The following PTPRH variants were observed in gnomAD, a reference collection of about 807,000 sequenced individuals.
PTPRH encodes protein tyrosine phosphatase receptor type H.
A neutral mutation model predicts 130.2 loss-of-function variants in PTPRH; 113 were observed. That is an observed-to-expected ratio of 0.87 (90% CI 0.75 to 1.01). The LOEUF is 1.01. PTPRH is among the 50% of genes least tolerant of loss of function. The probability of loss-of-function intolerance (pLI) is 0.00; values close to 1 mark genes in which losing one functional copy is unlikely to be tolerated. For missense variants in PTPRH, 1,430 were observed against 1,425.0 expected (o/e 1.00, Z -0.06); for synonymous variants, 556 against 577.9 (o/e 0.96, Z 0.54).
intron 12 of PTPRH, among the ~76,000 whole-genome samples, chr19:55,191,164 G>C (rs571526602): frequency 6.6e-6 from 1 of 152,282 alleles, no homozygotes; most frequent in Admixed American, 6.5e-5. Context: ...GATATCTCCT[G>C]TACTAGAATA....
intron 2 of PTPRH, 74 bp downstream of exon 2, chr19:55,207,092 A>C: frequency 2.5e-6 from 4 of 1,593,858 alleles, no homozygotes; most frequent in Admixed American, 1.7e-5. Context: ...CCCCACGGGG[A>C]CCCCCCAGAG....
rs199931398 is a variant in PTPRH at position 55,202,079 on chromosome 19, C to T, written c.1130G>A (p.Arg377Gln). ...ACCTGTGGTGGCATTTCGAGTCTCCCGGGAGCTGTTGATTCCATTCTTCCC... is the reference window on the plus strand; with the variant it reads ...ACCTGTGGTGGCATTTCGAGTCTCCTGGGAGCTGTTGATTCCATTCTTCCC... ...WVGKNGINSS[R>Q]ETRNATTAPN... Residue 377 changes from arginine to glutamine, a missense_variant, in exon 6 of 20, where the codon CGG becomes CAG. Physicochemically the swap from Arg to Gln is conservative, Grantham distance 43. Coordinates refer to ENST00000376350, the MANE Select transcript of PTPRH (RefSeq NM_002842.5). 66 of 1,614,132 alleles carry T rather than the reference C, an allele frequency of 4.1e-5. No individual in the cohort carries two copies. The African/African-American group carries it at 6.4e-4, about 16-fold the overall frequency.
rs902717293 is a variant in PTPRH at position 55,194,352 on chromosome 19, G to T, written c.2257+2170C>A. 8.9e-6 allele frequency: 11 copies of T among 1,237,242 alleles called. No individual in the cohort carries two copies. The South Asian group carries it at 1.5e-4, about 17-fold the overall frequency. 76.6% of individuals were successfully genotyped at this position (1,237,242 alleles called of 1,614,324 possible). On this transcript the variant is annotated intron_variant, in intron 10 of 19. Transcript: ENST00000376350. ...ACTGAAGGGTCTTACAACCTGTACG[G>T]GAGACTTGGCCTCACAGAATGGACT...
intron 7 of PTPRH, 70 bp from the exon 8 acceptor site, chr19:55,198,982 CCCTGTCCTTGTGCAGCCCAGCTCAT>C (rs2086774309): frequency 7.3e-7 from 1 of 1,374,954 alleles, no homozygotes; most frequent in East Asian, 2.7e-5. Context: ...CAGTGATACG[CCCTGTCCTTGTGCAGCCCAGCTCAT>C]CCAGAAACAC....
At chr19:55,190,659 CTCACTCTGT>C (rs1339003645) in intron 12 of PTPRH, among the ~76,000 whole-genome samples, 1 of 137,778 alleles carries the variant, frequency 7.3e-6, no homozygotes, top group Non-Finnish European at 1.5e-5. Flanking sequence ...GAGACAGAGT[CTCACTCTGT>C]TGCCCAGGCT....
chr19:55,202,114 G>A lies in PTPRH; in HGVS notation c.1095C>T (p.Ser365=), dbSNP rs756895069. The change falls in exon 6 of 20, where the codon TCC becomes TCT. Residue 365 remains serine, a synonymous_variant. Coordinates refer to ENST00000376350, the MANE Select transcript of PTPRH (RefSeq NM_002842.5). The part of the protein sequence containing the change: ...RLEPGCLYVF[S]VWVGKNGINS... ...TGATTCCATTCTTCCCCACCCACAC[G>A]GAAAACACATACAAACACCCGGGTT... The A allele has an allele frequency of 8.1e-6, 13 of 1,614,040 alleles. No individual in the cohort carries two copies. Among genetic ancestry groups the A allele is most frequent in the African/African-American group, 2.7e-5 (2 of 74,914 alleles).
rs1281588505 is a variant in PTPRH, at chr19:55,187,566, A to G, written c.2513T>C (p.Val838Ala). 2 of 1,613,168 alleles carry G rather than the reference A, an allele frequency of 1.2e-6. No homozygotes were observed. Among genetic ancestry groups the G allele is most frequent in the African/African-American group, 2.7e-5 (2 of 74,770 alleles). Residue 838 changes from valine to alanine, a missense_variant, in exon 14 of 20, where the codon GTG becomes GCG. Physicochemically the swap from Val to Ala is moderately conservative, Grantham distance 64. Transcript: ENST00000376350. ...SLVGHSQSQM[V>A]ASASENNAKN... ...GGCGTTGTTCTCTGAAGCCGAAGCC[A>G]CCATCTGAGACTGGCTGTGGCCCAC...
Position 55,200,451 on chromosome 19 carries a change from A to T in PTPRH, c.1205T>A (p.Ile402Asn). Residue 402 changes from isoleucine to asparagine, a missense_variant, in exon 7 of 20, where the codon ATC (isoleucine) becomes AAC (asparagine). Ile to Asn is a moderately radical substitution (Grantham distance 149). Transcript: ENST00000376350. The stretch of plus-strand genomic sequence containing the variant: ...ATCGGGGACTTCCCAGCATAGGGCG[A>T]TGGAGCTGTTGGTCTGAGTCTCCAT... ...LHMETQTNSS[I>N]ALCWEVPDGP... The T allele has an allele frequency of 6.2e-7, 1 of 1,614,114 alleles. No homozygotes were observed. The highest frequency in any genetic ancestry group is 1.1e-5 in the South Asian group (1 of 91,076).
In PTPRH at chr19:55,186,228, G is replaced by A. The variant is rs1327379029; in HGVS notation, c.2775C>T (p.Gly925=). ...LVMLTNCMEA[G]RVKCEHYWPL... is the part of the protein sequence containing the mutation. ...ACCCAGGACTCAGATCTCTCACCCG[G>A]CCGGCCTCCATGCAGTTGGTCAGCA... is the stretch of plus-strand genomic sequence containing the variant. The change falls in exon 16 of 20, where the codon GGC becomes GGT. Residue 925 remains glycine, a synonymous_variant. Coordinates refer to ENST00000376350, the MANE Select transcript of PTPRH (RefSeq NM_002842.5). 6.2e-7 allele frequency: 1 copy of A among 1,608,190 alleles called. No homozygotes were observed. The highest frequency in any genetic ancestry group is 1.7e-5 in the Admixed American group (1 of 59,728).
At position 55,209,169 on chromosome 19, in the gene PTPRH, G is replaced by A. The variant is rs1199541938; in HGVS notation, c.51+214C>T. ...GACACGACAATGTCTAAGGGCCCGG[G>A]TGAAGCTGGTGTCCCCCGCAGCAGA... On this transcript the variant is annotated intron_variant, in intron 1 of 19. Transcript: ENST00000376350. This position sits in a 1 kb window ranked among gnomAD's most constrained non-coding sequence, Gnocchi z 4.1. Among the ~76,000 whole-genome samples, 1 of 151,712 alleles carries A rather than the reference G, an allele frequency of 6.6e-6. No individual in the cohort carries two copies. Among genetic ancestry groups the A allele is most frequent in the Non-Finnish European group, 1.5e-5 (1 of 67,892 alleles).
chr19:55,200,813 G>A (rs1305205185), intron 6 of PTPRH, among the ~76,000 whole-genome samples: 2 of 152,104 alleles, frequency 1.3e-5, no homozygotes, highest in Non-Finnish European at 2.9e-5. Flanking sequence ...CGTGGTGGCT[G>A]GTGCCTGTAG....
intron 13 of PTPRH, 29 bp downstream of exon 13, chr19:55,188,049 T>G (rs1393594769): frequency 6.3e-7 from 1 of 1,583,810 alleles, no homozygotes; most frequent in Admixed American, 1.7e-5. Context: ...GGAGGGAGAC[T>G]GAGCTCAGCC....
chr19:55,189,048 T>G (rs778395213), intron 12 of PTPRH, among the ~76,000 whole-genome samples: 1 of 152,152 alleles, frequency 6.6e-6, no homozygotes, highest in Non-Finnish European at 1.5e-5. Flanking sequence ...TGCAGTGGTG[T>G]GATCTCAGCT....
At chr19:55,207,398 C>G (rs2087105660) in intron 1 of PTPRH, 199 bp from the exon 2 acceptor site, 5 of 593,682 alleles carry the variant, frequency 8.4e-6, no homozygotes, top group Non-Finnish European at 1.5e-5. Context: ...ATGGCAGGAG[C>G]AGAGCTTAGG....
At chr19:55,206,405 C>T (rs150327023) in intron 3 of PTPRH, among the ~76,000 whole-genome samples, 8,144 of 151,208 alleles carry the variant, frequency 0.054, 220 homozygotes, top group African/African-American at 0.069. Context: ...CTCACTGCAA[C>T]CTCTGCCTCC....
chr19:55,197,834 G>T (rs994937059), intron 8 of PTPRH, among the ~76,000 whole-genome samples: 2 of 152,160 alleles, frequency 1.3e-5, no homozygotes, highest in African/African-American at 4.8e-5. Context: ...CCCAGGTAGG[G>T]TGTCTTCTCA....
chr19:55,208,701 A>G (rs1600090032), intron 1 of PTPRH, among the ~76,000 whole-genome samples: 1 of 9,526 alleles, frequency 1.0e-4, no homozygotes, highest in Non-Finnish European at 1.7e-4. Flanking sequence ...AGTCTGAGGG[A>G]GGAGGGGCTG....
chr19:55,198,691 C>G lies in PTPRH; in HGVS notation c.1642G>C (p.Glu548Gln), dbSNP rs368354556. The G allele has an allele frequency of 5.6e-6, 9 of 1,613,592 alleles. No homozygotes were observed. Among genetic ancestry groups the G allele is most frequent in the Non-Finnish European group, 7.6e-6 (9 of 1,179,806 alleles). ...GSLYHLTVWA[E>Q]RNEVRGYNST... The stretch of plus-strand genomic sequence containing the variant: ...TTATAGCCTCTGACCTCATTCCTCT[C>G]GGCCCAGACGGTGAGGTGGTACAGG... Residue 548 changes from glutamate (E) to glutamine (Q), a missense_variant, in exon 8 of 20, where the codon GAG becomes CAG. Glu to Gln is a conservative substitution (Grantham distance 29, BLOSUM62 2). Transcript: ENST00000376350.
At chr19:55,189,539 G>A (rs1190920260) in intron 12 of PTPRH, among the ~76,000 whole-genome samples, 1 of 152,146 alleles carries the variant, frequency 6.6e-6, no homozygotes, top group Non-Finnish European at 1.5e-5. Flanking sequence ...CACGTGTGCT[G>A]TTGCCTCAGG....
Sources: gnomAD v4.1 joint callset for allele counts (sites outside exome capture counted in the v4.1 genomes callset) on GRCh38, gnomAD v4.1.1 for gene constraint, Gnocchi (gnomAD v3.1) non-coding constraint, MANE v1.5 for transcripts, NCBI Gene and HGNC (gene_info 2026-07-23, HGNC 2026-07-21) for gene names.